The following ARHGAP15 variants were observed in gnomAD, a reference collection of about 807,000 sequenced individuals.
ARHGAP15 encodes rho GTPase-activating protein 15.
ARHGAP15 carries 51 observed loss-of-function variants against 63.7 expected under a neutral mutation model. That is an observed-to-expected ratio of 0.80 (90% CI 0.64 to 1.01). The LOEUF (loss-of-function observed/expected upper bound fraction) is 1.01, where lower values mean the gene tolerates loss of function less well. Ranked by LOEUF, ARHGAP15 falls within the 50% of genes least tolerant of loss-of-function variation. ARHGAP15 has a pLI of 0.00. For synonymous variants in ARHGAP15, 191 were observed against 193.8 expected (o/e 0.99, Z 0.12); for missense variants, 560 against 564.6 (o/e 0.99, Z 0.08).
chr2:143,746,302 A>AC (rs1686163097), intron 13 of ARHGAP15, among the ~76,000 whole-genome samples: 1 of 151,490 alleles, frequency 6.6e-6, no homozygotes. Context: ...TCAAAAAAAA[A>AC]CCCTCTAAAT....
intron 12 of ARHGAP15, among the ~76,000 whole-genome samples, chr2:143,627,438 C>A (rs959041934): frequency 5.4e-4 from 82 of 152,236 alleles, no homozygotes; most frequent in African/African-American, 1.9e-3. Context: ...TATTCTTAAG[C>A]AATGAGAGAA....
At chr2:143,685,079 A>T (rs912406767) in intron 12 of ARHGAP15, among the ~76,000 whole-genome samples, 1 of 152,196 alleles carries the variant, frequency 6.6e-6, no homozygotes, top group Non-Finnish European at 1.5e-5. Context: ...ACTGCAAGCT[A>T]CCTGTTTCTG....
At chr2:143,342,993 G>A (rs927965873) in intron 6 of ARHGAP15, among the ~76,000 whole-genome samples, 3 of 151,952 alleles carry the variant, frequency 2.0e-5, no homozygotes, top group African/African-American at 7.2e-5. Flanking sequence ...TGCAAGTTGA[G>A]AATAAAATTT....
At chr2:143,426,149 G>A (rs1689129272) in intron 6 of ARHGAP15, among the ~76,000 whole-genome samples, 1 of 152,046 alleles carries the variant, frequency 6.6e-6, no homozygotes. Context: ...TAGTACAGAG[G>A]GGCACTGTTT....
intron 11 of ARHGAP15, among the ~76,000 whole-genome samples, chr2:143,587,501 G>T (rs1006336293): frequency 6.6e-6 from 1 of 152,116 alleles, no homozygotes; most frequent in African/African-American, 2.4e-5. Context: ...GACTCCTAAA[G>T]TTTGTGCCAC....
At chr2:143,540,752 A>C (rs1400039117) in intron 10 of ARHGAP15, among the ~76,000 whole-genome samples, 1 of 152,190 alleles carries the variant, frequency 6.6e-6, no homozygotes, top group Non-Finnish European at 1.5e-5. Flanking sequence ...ATCAGCTGTT[A>C]GTCTGATGGG....
At chr2:143,389,732 G>A (rs1687457604) in intron 6 of ARHGAP15, among the ~76,000 whole-genome samples, 1 of 152,130 alleles carries the variant, frequency 6.6e-6, no homozygotes, top group African/African-American at 2.4e-5. Flanking sequence ...CTCATTTAAT[G>A]AAAGGGTTAT....
intron 6 of ARHGAP15, chr2:143,435,381 C>T (rs964916973): frequency 1.7e-6 from 2 of 1,152,826 alleles, no homozygotes; most frequent in African/African-American, 1.6e-5. Context: ...CTTAATCGTT[C>T]TATTATTAAA....
intron 13 of ARHGAP15, among the ~76,000 whole-genome samples, chr2:143,732,593 G>C (rs1685581992): frequency 6.6e-6 from 1 of 152,102 alleles, no homozygotes; most frequent in African/African-American, 2.4e-5. Flanking sequence ...CTGTGAAGCT[G>C]TATTTCAGGG....
chr2:143,526,676 G>T (rs970836154), intron 10 of ARHGAP15, among the ~76,000 whole-genome samples: 1 of 152,098 alleles, frequency 6.6e-6, no homozygotes, highest in Non-Finnish European at 1.5e-5. Context: ...AAGTTAGCAG[G>T]ATGTTTTAGC....
At chr2:143,133,891 G>A (rs996357247) in intron 1 of ARHGAP15, among the ~76,000 whole-genome samples, 7 of 151,866 alleles carry the variant, frequency 4.6e-5, no homozygotes, top group African/African-American at 1.7e-4. Context: ...ATAACTGCAC[G>A]CACCTCTCCA....
At chr2:143,599,810 T>A (rs1697692439) in intron 11 of ARHGAP15, among the ~76,000 whole-genome samples, 2 of 152,318 alleles carry the variant, frequency 1.3e-5, no homozygotes, top group East Asian at 3.9e-4. Flanking sequence ...TTTTCAGTTT[T>A]GCTATTTCTT....
chr2:143,251,191 G>A (rs1031847909), intron 6 of ARHGAP15, among the ~76,000 whole-genome samples: 12 of 148,584 alleles, frequency 8.1e-5, no homozygotes, highest in South Asian at 2.2e-4. Flanking sequence ...AATTTCACAC[G>A]TTACCAAAAT....
intron 12 of ARHGAP15, among the ~76,000 whole-genome samples, chr2:143,637,581 T>G (rs1680384140): frequency 6.6e-6 from 1 of 152,096 alleles, no homozygotes; most frequent in Admixed American, 6.6e-5. Context: ...TATTGTGATA[T>G]TTACAAACCT....
chr2:143,426,151 G>T (rs992360692), intron 6 of ARHGAP15, among the ~76,000 whole-genome samples: 5 of 152,182 alleles, frequency 3.3e-5, no homozygotes, highest in Admixed American at 6.5e-5. Context: ...GTACAGAGGG[G>T]CACTGTTTAT....
intron 11 of ARHGAP15, among the ~76,000 whole-genome samples, chr2:143,574,765 T>C (rs1023702189): frequency 6.6e-6 from 1 of 152,164 alleles, no homozygotes. Flanking sequence ...TGGTTAACTA[T>C]AGATTTATTT....
At chr2:143,584,407 C>T (rs1255838712) in intron 11 of ARHGAP15, among the ~76,000 whole-genome samples, 1 of 152,122 alleles carries the variant, frequency 6.6e-6, no homozygotes, top group Non-Finnish European at 1.5e-5. Flanking sequence ...GGGTGGATCA[C>T]TTGAGGTTAG....
chr2:143,483,157 G>A (rs940774202), intron 8 of ARHGAP15, among the ~76,000 whole-genome samples: 12 of 152,204 alleles, frequency 7.9e-5, no homozygotes, highest in East Asian at 3.9e-4. Context: ...CACCTTACAC[G>A]CATTTCTCAC....
At chr2:143,401,868 G>A (rs1688001604) in intron 6 of ARHGAP15, among the ~76,000 whole-genome samples, 1 of 151,854 alleles carries the variant, frequency 6.6e-6, no homozygotes, top group Non-Finnish European at 1.5e-5. Flanking sequence ...GAGCAAAATT[G>A]CATTTGTTTT....
Sources: allele counts gnomAD v4.1 joint callset (sites outside exome capture counted in the v4.1 genomes callset), GRCh38; gene constraint gnomAD v4.1.1; transcripts MANE v1.5; gene names NCBI Gene and HGNC (gene_info 2026-07-23, HGNC 2026-07-21).